Variants in MCCC1 observed in about 807,000 individuals in gnomAD.
The protein encoded by MCCC1 is methylcrotonyl-CoA carboxylase subunit 1, also known as methylcrotonoyl-CoA carboxylase subunit alpha, mitochondrial.
Under a neutral mutation model 83.8 loss-of-function variants are expected in MCCC1, and 64 were observed. The observed-to-expected ratio is 0.76, with a 90% CI of 0.62 to 0.94. MCCC1 has a LOEUF of 0.94. Among genes scored for constraint, MCCC1 ranks in the 40% least tolerant of loss-of-function variants. The probability of loss-of-function intolerance (pLI) is 0.00; values close to 1 mark genes in which losing one functional copy is unlikely to be tolerated. For missense variants in MCCC1, 807 were observed against 904.7 expected (o/e 0.89, Z 1.39); for synonymous variants, 322 against 315.4 (o/e 1.02, Z -0.22).
At position 183,022,444 on chromosome 3, in the gene MCCC1, C is replaced by T. The variant is rs758827154; in HGVS notation, c.1842G>A (p.Leu614=). 16 of 1,613,952 alleles carry T rather than the reference C, an allele frequency of 9.9e-6. No individual in the cohort carries two copies. In the Admixed American group the frequency reaches 1.8e-4, roughly 18 times the overall value. ...GVASKAKLII[L]ENTIYLFSKE... ...TGGAAAATAGGTAAATAGTGTTTTC[C>T]AGGATAATCAGCTTCGCTTTACTAG... Residue 614 remains leucine, a synonymous_variant, in exon 16 of 19, where the codon CTG becomes CTA. Coordinates refer to ENST00000265594, the MANE Select transcript of MCCC1 (RefSeq NM_020166.5).
chr3:183,052,180 C>T lies in MCCC1; in HGVS notation c.934G>A (p.Ala312Thr). ...CTACCTGCTCCAACATAATTTACAG[C>T]TTTAGCAGCTCTGACTGCAGCTTCT... ...LGEAAVRAAK[A>T]VNYVGAGTVE... is the part of the protein sequence containing the mutation. The change falls in exon 9 of 19, where the codon GCT (alanine) becomes ACT (threonine). Residue 312 changes from alanine (A) to threonine (T), a missense_variant. Transcript: ENST00000265594. The T allele has an allele frequency of 6.2e-7, 1 of 1,614,112 alleles. No individual in the cohort carries two copies.
At chr3:183,044,153 C>T (rs1173278356) in intron 10 of MCCC1, among the ~76,000 whole-genome samples, 2 of 151,968 alleles carry the variant, frequency 1.3e-5, no homozygotes, top group Non-Finnish European at 2.9e-5. Context: ...TGGCGTCACA[C>T]CAGGAAAAAA....
At chr3:183,047,317 G>T (rs1714630509) in intron 9 of MCCC1, among the ~76,000 whole-genome samples, 1 of 152,046 alleles carries the variant, frequency 6.6e-6, no homozygotes, top group East Asian at 1.9e-4. Context: ...AGGGGCACAG[G>T]CTCAGCAAGA....
At chr3:183,063,542 T>C (rs1412176588) in intron 7 of MCCC1, among the ~76,000 whole-genome samples, 2 of 152,214 alleles carry the variant, frequency 1.3e-5, no homozygotes, top group African/African-American at 4.8e-5. Flanking sequence ...ATACACAGTA[T>C]GATTATCAGG....
In MCCC1 at chr3:183,017,489, G is replaced by GA. The variant is rs1270860372; in HGVS notation, c.1978-153dup. On this transcript the variant is annotated intron_variant, in intron 17 of 18. Coordinates refer to ENST00000265594, the MANE Select transcript of MCCC1 (RefSeq NM_020166.5). ...ATAAACAATAAAACATAAATAAAAA[G>GA]AAAAAAAACAACACAGAGGTCCTTT... 60 of 716,284 alleles carry GA rather than the reference G, an allele frequency of 8.4e-5. 1 individual carries two copies. The highest frequency in any genetic ancestry group is 1.7e-4 in the South Asian group (10 of 60,014). The allele number at this position is 716,284 out of a possible 1,614,324, so 44.4% of individuals were successfully genotyped here. A position where few individuals can be genotyped will look rare whatever the true frequency, so the allele number is the denominator to read the frequency against.
intron 8 of MCCC1, among the ~76,000 whole-genome samples, chr3:183,055,125 C>G (rs142912087): frequency 6.6e-6 from 1 of 151,970 alleles, no homozygotes; most frequent in Non-Finnish European, 1.5e-5. Context: ...AAAAGCTGGC[C>G]GGGTGCGGTG....
chr3:183,051,870 AAAG>A (rs1278194886), intron 9 of MCCC1, among the ~76,000 whole-genome samples: 1 of 152,214 alleles, frequency 6.6e-6, no homozygotes, highest in Non-Finnish European at 1.5e-5. Context: ...TATTAACCAT[AAAG>A]AAGTAAAAAA....
At chr3:183,115,825 C>G (rs1719578089) in exon 1 of MCCC1, 1 of 152,144 alleles carries the variant, frequency 6.6e-6, no homozygotes, top group Admixed American at 6.5e-5. Flanking sequence ...GCACTCCAGC[C>G]TGAGTGACAA....
chr3:183,060,087 T>G (rs894586992), intron 7 of MCCC1, among the ~76,000 whole-genome samples: 2 of 152,232 alleles, frequency 1.3e-5, no homozygotes, highest in African/African-American at 2.4e-5. Context: ...TTCTAATTCT[T>G]GTGGTATTCA....
At chr3:183,075,375 G>A (rs1716990197) in intron 4 of MCCC1, among the ~76,000 whole-genome samples, 1 of 152,034 alleles carries the variant, frequency 6.6e-6, no homozygotes, top group Non-Finnish European at 1.5e-5. Flanking sequence ...CCTGACATCT[G>A]TTATTTTTTT....
chr3:183,018,477 T>C (rs895494134), intron 17 of MCCC1, among the ~76,000 whole-genome samples: 2 of 143,478 alleles, frequency 1.4e-5, no homozygotes, highest in South Asian at 2.3e-4. Flanking sequence ...ACAGGTCAAA[T>C]GCACTGGTCA....
chr3:183,090,438 T>C (rs775204381), intron 3 of MCCC1, among the ~76,000 whole-genome samples: 5 of 152,204 alleles, frequency 3.3e-5, no homozygotes, highest in Admixed American at 1.3e-4. Flanking sequence ...ATCATAATTG[T>C]ATGCATTTAT....
chr3:183,017,427 T>A, intron 17 of MCCC1, 90 bp from the exon 18 acceptor site: 1 of 1,107,794 alleles, frequency 9.0e-7, no homozygotes. Context: ...TTTTACTGTC[T>A]ATATATACTC....
intron 14 of MCCC1, among the ~76,000 whole-genome samples, chr3:183,032,917 T>C (rs946112661): frequency 1.3e-5 from 2 of 151,806 alleles, no homozygotes; most frequent in Non-Finnish European, 2.9e-5. Flanking sequence ...AGTGTCTTCA[T>C]AGAGGTGAAG....
intron 14 of MCCC1, among the ~76,000 whole-genome samples, chr3:183,028,882 C>T (rs1227130094): frequency 6.6e-6 from 1 of 152,206 alleles, no homozygotes; most frequent in African/African-American, 2.4e-5. Flanking sequence ...CAATCACAGC[C>T]ATCAACATTG....
upstream of MCCC1, chr3:183,116,142 G>A (rs1719583886): frequency 6.4e-6 from 1 of 156,292 alleles, no homozygotes; most frequent in Admixed American, 6.5e-5. Flanking sequence ...TGTTGTCATG[G>A]GAGCGAGGAT....
chr3:183,102,635 C>T (rs144171578), upstream of MCCC1, among the ~76,000 whole-genome samples: 6 of 151,872 alleles, frequency 4.0e-5, no homozygotes, highest in Non-Finnish European at 8.8e-5. Context: ...GAAAAAAAAG[C>T]TGGATCCCTG....
Position 183,088,206 on chromosome 3 carries a change from G to GT in MCCC1, c.274-1419dup, listed in dbSNP as rs1298355071. On this transcript the variant is annotated intron_variant, in intron 3 of 18. Coordinates refer to ENST00000265594, the MANE Select transcript of MCCC1 (RefSeq NM_020166.5). ...ATGTTTTGTTGTTGTTGTTGTTGTT[G>GT]TGTGTTTTTTTTTTTTTTTGAGGTA... 3.4e-3 allele frequency among the ~76,000 whole-genome samples: 495 copies of GT among 146,230 alleles called. 2 individuals carry two copies. The highest frequency in any genetic ancestry group is 3.4e-3 in the African/African-American group (138 of 40,680).
upstream of MCCC1, chr3:183,099,552 G>C (rs1183461191): frequency 7.9e-7 from 1 of 1,262,400 alleles, no homozygotes; most frequent in East Asian, 2.5e-5. Context: ...GCCACCGTCG[G>C]AGCCTGAGCC....
Sources: gnomAD v4.1 joint callset for allele counts (sites outside exome capture counted in the v4.1 genomes callset) on GRCh38, gnomAD v4.1.1 for gene constraint, MANE v1.5 for transcripts, NCBI Gene and HGNC (gene_info 2026-07-23, HGNC 2026-07-21) for gene names.